Variants in ERC1 observed in about 807,000 individuals in gnomAD.
ERC1 encodes the protein ELKS/RAB6-interacting/CAST family member 1.
Under a neutral mutation model 132.0 loss-of-function variants are expected in ERC1, and 56 were observed. The ratio of observed to expected loss-of-function variants is 0.42; its 90% confidence interval spans 0.34 to 0.53. The LOEUF is 0.53. Among genes scored for constraint, ERC1 ranks in the 20% least tolerant of loss-of-function variants. The probability of loss-of-function intolerance (pLI) is 0.03; values close to 1 mark genes in which losing one functional copy is unlikely to be tolerated. For synonymous variants in ERC1, 478 were observed against 476.1 expected (o/e 1.00, Z -0.05); for missense variants, 1,202 against 1,349.9 (o/e 0.89, Z 1.72).
intron 4 of ERC1, among the ~76,000 whole-genome samples, chr12:1,108,867 G>GA (rs755066956): frequency 6.6e-6 from 1 of 152,158 alleles, no homozygotes; most frequent in Admixed American, 6.6e-5. Flanking sequence ...CCTTGAACCT[G>GA]AAAATAGCTA....
At chr12:1,338,233 T>G (rs902398944) in intron 15 of ERC1, among the ~76,000 whole-genome samples, 2 of 152,170 alleles carry the variant, frequency 1.3e-5, no homozygotes, top group African/African-American at 4.8e-5. Flanking sequence ...GTTTATTCCT[T>G]TATACTCTCT....
At chr12:1,052,971 GA>G (rs35591043) in intron 2 of ERC1, among the ~76,000 whole-genome samples, 3,665 of 142,386 alleles carry the variant, frequency 0.026, 125 homozygotes, top group African/African-American at 0.086. Flanking sequence ...ACTATGTCTC[GA>G]AAAAAAAAAA....
chr12:1,377,687 G>A (rs1045063326), intron 16 of ERC1, among the ~76,000 whole-genome samples: 1 of 152,158 alleles, frequency 6.6e-6, no homozygotes, highest in Non-Finnish European at 1.5e-5. Context: ...TTAAATGGCT[G>A]TATATCATCT....
At position 1,432,330 on chromosome 12, in the gene ERC1, C is replaced by T. The variant is rs776108941; in HGVS notation, c.3025-12232C>T. 3.9e-5 allele frequency among the ~76,000 whole-genome samples: 6 copies of T among 152,316 alleles called. No homozygotes were observed. In the East Asian group the frequency reaches 7.7e-4, roughly 20 times the overall value. On this transcript the variant is annotated intron_variant, in intron 17 of 18. Coordinates refer to ENST00000360905, the MANE Select transcript of ERC1 (RefSeq NM_178040.4). ...AACCATTTTTAGCTGATGGGCTGTA[C>T]GAAGAAGGCGGAGCTGAATTTGGTT...
In ERC1 at chr12:1,146,308, G is replaced by GTT. The variant is rs1172108036; in HGVS notation, c.1737+4545_1737+4546dup. ...ATTTCCTTGTTTAGGTATTTTACTGGTTTTTTTTTTTTTTTTTTTTTTTTT... is the reference window on the plus strand; with the variant it reads ...ATTTCCTTGTTTAGGTATTTTACTGGTTTTTTTTTTTTTTTTTTTTTTTTTTT... On this transcript the variant is annotated intron_variant, in intron 8 of 18. Transcript: ENST00000360905. Among the ~76,000 whole-genome samples, 258 of 31,752 alleles carry GTT rather than the reference G, an allele frequency of 8.1e-3. 13 individuals carry two copies. Among genetic ancestry groups the GTT allele is most frequent in the African/African-American group, 0.018 (147 of 7,966 alleles). The allele number at this position is 31,752 out of a possible 152,430, so 20.8% of individuals were successfully genotyped here. A position where few individuals can be genotyped will look rare whatever the true frequency, so the allele number is the denominator to read the frequency against.
At chr12:1,471,427 A>G (rs565679460) in intron 18 of ERC1, among the ~76,000 whole-genome samples, 1 of 152,376 alleles carries the variant, frequency 6.6e-6, no homozygotes, top group East Asian at 1.9e-4. Context: ...TAAGTTAGAA[A>G]TTAAGATATG....
intron 15 of ERC1, among the ~76,000 whole-genome samples, chr12:1,303,638 C>CA (rs549139206): frequency 8.6e-4 from 119 of 137,928 alleles, no homozygotes; most frequent in Middle Eastern, 4.2e-3. Flanking sequence ...GAGTCCATCT[C>CA]AAAAAAAAAA....
chr12:1,073,514 T>C (rs1180643642), intron 2 of ERC1, among the ~76,000 whole-genome samples: 1 of 146,370 alleles, frequency 6.8e-6, no homozygotes, highest in African/African-American at 2.5e-5. Context: ...TAGGGGGTGG[T>C]GGCGTACACC....
At chr12:1,279,640 A>G (rs992081428) in intron 14 of ERC1, among the ~76,000 whole-genome samples, 8 of 150,610 alleles carry the variant, frequency 5.3e-5, no homozygotes, top group African/African-American at 1.9e-4. Context: ...GTCTATGGAT[A>G]CTGGTTTTCA....
intron 1 of ERC1, among the ~76,000 whole-genome samples, chr12:1,017,063 C>G (rs1965636926): frequency 6.6e-6 from 1 of 152,146 alleles, no homozygotes. Flanking sequence ...GTGGCATGAT[C>G]TCGGCTCACT....
At chr12:1,432,160 C>T (rs534802135) in intron 17 of ERC1, among the ~76,000 whole-genome samples, 147 of 152,308 alleles carry the variant, frequency 9.7e-4, no homozygotes, top group Non-Finnish European at 1.7e-3. Flanking sequence ...ATAGCATATA[C>T]TTAGGCTTTG....
At chr12:1,174,761 TTC>T (rs1407421494) in intron 8 of ERC1, among the ~76,000 whole-genome samples, 1 of 152,256 alleles carries the variant, frequency 6.6e-6, no homozygotes, top group African/African-American at 2.4e-5. Context: ...TAAATAATGT[TTC>T]TTGTATTGCC....
chr12:1,011,309 A>G (rs557294748), intron 1 of ERC1, among the ~76,000 whole-genome samples: 6 of 152,112 alleles, frequency 3.9e-5, no homozygotes, highest in South Asian at 4.1e-4. Flanking sequence ...GGCTCAAGCT[A>G]TCCTCCTACC....
intron 15 of ERC1, among the ~76,000 whole-genome samples, chr12:1,352,875 C>CTCTAGAAT (rs1193475181): frequency 2.0e-5 from 3 of 152,108 alleles, no homozygotes; most frequent in African/African-American, 7.2e-5. Context: ...TGTGTATTTA[C>CTCTAGAAT]TCTAGAATAG....
intron 1 of ERC1, among the ~76,000 whole-genome samples, chr12:994,185 T>C (rs1180123250): frequency 6.6e-6 from 1 of 152,062 alleles, no homozygotes; most frequent in African/African-American, 2.4e-5. Context: ...TTTACACATA[T>C]TTCATCAGAA....
At chr12:1,019,757 C>T (rs184902849) in intron 1 of ERC1, among the ~76,000 whole-genome samples, 2 of 152,112 alleles carry the variant, frequency 1.3e-5, no homozygotes, top group East Asian at 1.9e-4. Context: ...ATGTCATCCA[C>T]GCTGTAGTGC....
intron 7 of ERC1, among the ~76,000 whole-genome samples, chr12:1,136,409 T>C (rs548645180): frequency 1.3e-5 from 2 of 152,326 alleles, no homozygotes; most frequent in South Asian, 2.1e-4. Context: ...TTCTGTACTT[T>C]TAGAAAATAT....
intron 3 of ERC1, among the ~76,000 whole-genome samples, chr12:1,094,653 C>T (rs193064072): frequency 3.9e-5 from 6 of 152,212 alleles, no homozygotes; most frequent in African/African-American, 7.2e-5. Context: ...TCAAGTGATT[C>T]GCTGGTCTTG....
intron 2 of ERC1, among the ~76,000 whole-genome samples, chr12:1,071,180 A>G (rs908134585): frequency 1.3e-5 from 2 of 152,080 alleles, no homozygotes; most frequent in African/African-American, 4.8e-5. Context: ...GGTTGTGTTT[A>G]TTGGTACATG....
Sources: allele counts gnomAD v4.1 joint callset (sites outside exome capture counted in the v4.1 genomes callset), GRCh38; gene constraint gnomAD v4.1.1; transcripts MANE v1.5; gene names NCBI Gene and HGNC (gene_info 2026-07-23, HGNC 2026-07-21).